Variants in WDR17 observed in about 807,000 individuals in gnomAD.
The protein encoded by WDR17 is WD repeat domain 17, also known as WD repeat-containing protein 17.
A neutral mutation model predicts 161.7 loss-of-function variants in WDR17; 143 were observed. That is an observed-to-expected ratio of 0.88 (90% CI 0.77 to 1.02). The LOEUF (loss-of-function observed/expected upper bound fraction) is 1.02. Among genes scored for constraint, WDR17 ranks in the 50% least tolerant of loss-of-function variants. The pLI is 0.00. For missense variants in WDR17, 1,469 were observed against 1,520.9 expected (o/e 0.97, Z 0.57); for synonymous variants, 517 against 515.6 (o/e 1.00, Z -0.04).
At position 176,137,389 on chromosome 4, in the gene WDR17, A is replaced by G. The variant is rs1345150368; in HGVS notation, c.1268-131A>G. 22 of 643,014 alleles carry G rather than the reference A, an allele frequency of 3.4e-5. No individual in the cohort carries two copies. In the East Asian group the frequency reaches 6.6e-4, roughly 19 times the overall value. The allele number at this position is 643,014 out of a possible 1,614,324, so 39.8% of individuals were successfully genotyped here. A position where few individuals can be genotyped will look rare whatever the true frequency, so the allele number is the denominator to read the frequency against. ...TTATCTATAATTTTATACAGTTAAT[A>G]ATTTCAATTATAAAAAATTAAAGAA... On this transcript the variant is annotated intron_variant, in intron 8 of 28. Coordinates refer to ENST00000508596, the MANE Select transcript of WDR17 (RefSeq NM_181265.4).
At chr4:176,125,562 G>A (rs1742320675) in intron 5 of WDR17, among the ~76,000 whole-genome samples, 1 of 152,014 alleles carries the variant, frequency 6.6e-6, no homozygotes, top group Non-Finnish European at 1.5e-5. Context: ...GAAAAATAAG[G>A]TCCACTCTGC....
At chr4:176,177,329 GT>G in intron 27 of WDR17, 141 bp from the exon 28 acceptor site, 1 of 978,960 alleles carries the variant, frequency 1.0e-6, no homozygotes, top group East Asian at 2.5e-5. Flanking sequence ...GTAGTCCTTT[GT>G]TTTACTATAA....
chr4:176,174,682 ACCAAAGCATTGTT>A lies in WDR17; in HGVS notation c.3417_3429del (p.Ser1140HisfsTer10). On this transcript the variant is annotated frameshift_variant, in exon 26 of 29. Coordinates refer to ENST00000508596, the MANE Select transcript of WDR17 (RefSeq NM_181265.4). LOFTEE classifies it high-confidence loss of function. ...GCATTACTGGCTATCAGAAGACAGT[ACCAAAGCATTGTT>A]CCAGCACTTTATGAGTACACAAGGT... is the stretch of plus-strand genomic sequence containing the variant. 6.2e-7 allele frequency: 1 copy of A among 1,612,122 alleles called. No homozygotes were observed.
At chr4:176,133,274 AGAAG>A (rs147030078) in intron 7 of WDR17, among the ~76,000 whole-genome samples, 23,277 of 111,496 alleles carry the variant, frequency 0.21, 2,587 homozygotes, top group South Asian at 0.26. Flanking sequence ...AAAAAAAAAA[AGAAG>A]AAGAAGAAGA....
chr4:176,152,768 C>T (rs1457521134), intron 17 of WDR17, among the ~76,000 whole-genome samples: 1 of 151,356 alleles, frequency 6.6e-6, no homozygotes, highest in African/African-American at 2.4e-5. Context: ...AACCCCGCCT[C>T]TTCTAAAAAT....
chr4:176,174,671 C>A lies in WDR17; in HGVS notation c.3402C>A (p.Ile1134=). 1 of 1,612,312 alleles carries A rather than the reference C, an allele frequency of 6.2e-7. No individual in the cohort carries two copies. Among genetic ancestry groups the A allele is most frequent in the South Asian group, 1.1e-5 (1 of 90,880 alleles). Residue 1134 remains isoleucine, a synonymous_variant, in exon 26 of 29, where the codon ATC becomes ATA. Coordinates refer to ENST00000508596, the MANE Select transcript of WDR17 (RefSeq NM_181265.4). ...LCGYIGALLA[I]RRQYQSIVPA... ...GTTACATTGGTGCATTACTGGCTAT[C>A]AGAAGACAGTACCAAAGCATTGTTC...
chr4:176,162,780 T>G (rs930958991), intron 21 of WDR17, among the ~76,000 whole-genome samples: 2 of 152,180 alleles, frequency 1.3e-5, no homozygotes, highest in Non-Finnish European at 2.9e-5. Flanking sequence ...TATATTTGCT[T>G]TAGGAAATGA....
intron 17 of WDR17, among the ~76,000 whole-genome samples, chr4:176,155,716 A>AATATATAT (rs113370958): frequency 0.011 from 1,443 of 130,236 alleles, 23 homozygotes; most frequent in African/African-American, 0.032. Flanking sequence ...GACTAATTAA[A>AATATATAT]ATATATATAT....
chr4:176,125,804 A>G (rs1384783002), intron 5 of WDR17, among the ~76,000 whole-genome samples: 1 of 152,182 alleles, frequency 6.6e-6, no homozygotes, highest in Admixed American at 6.5e-5. Flanking sequence ...AGAATACCAC[A>G]AGCTGAGTAA....
chr4:176,177,760 G>T, intron 28 of WDR17, 106 bp downstream of exon 28: 1 of 1,156,094 alleles, frequency 8.6e-7, no homozygotes. Flanking sequence ...GGTAATTTAG[G>T]ACTGGGGTCC....
intron 1 of WDR17, among the ~76,000 whole-genome samples, chr4:176,067,015 G>T (rs1315306627): frequency 1.3e-5 from 2 of 152,130 alleles, no homozygotes; most frequent in African/African-American, 2.4e-5. Flanking sequence ...CTCCACAAGA[G>T]TTTAAGCATT....
chr4:176,097,830 C>A (rs1019064573), intron 1 of WDR17, among the ~76,000 whole-genome samples: 1 of 151,434 alleles, frequency 6.6e-6, no homozygotes, highest in Non-Finnish European at 1.5e-5. Flanking sequence ...AAGAAAAATG[C>A]TTTTTAATGA....
At chr4:176,070,731 G>A (rs1733123865) in intron 1 of WDR17, among the ~76,000 whole-genome samples, 1 of 151,972 alleles carries the variant, frequency 6.6e-6, no homozygotes, top group Non-Finnish European at 1.5e-5. Context: ...ATGTTGCCCA[G>A]GCTGATCTGG....
At chr4:176,087,181 T>C (rs1735525496) in intron 1 of WDR17, among the ~76,000 whole-genome samples, 1 of 152,056 alleles carries the variant, frequency 6.6e-6, no homozygotes, top group African/African-American at 2.4e-5. Context: ...ATGTTTCTTA[T>C]CCTTCTACCT....
At chr4:176,067,395 A>G (rs1177904503) in intron 1 of WDR17, among the ~76,000 whole-genome samples, 2 of 152,228 alleles carry the variant, frequency 1.3e-5, no homozygotes, top group East Asian at 3.9e-4. Flanking sequence ...CTTATTTCAA[A>G]GGGCATATAC....
intron 1 of WDR17, among the ~76,000 whole-genome samples, chr4:176,070,757 G>C (rs1370682612): frequency 6.6e-6 from 1 of 152,048 alleles, no homozygotes; most frequent in East Asian, 1.9e-4. Context: ...CTGGGCTCAA[G>C]CGATCCACCC....
chr4:176,066,866 C>T (rs1015795930), intron 1 of WDR17, among the ~76,000 whole-genome samples: 1 of 151,932 alleles, frequency 6.6e-6, no homozygotes, highest in Non-Finnish European at 1.5e-5. Flanking sequence ...AACACAAGTT[C>T]GTTGTAAAAG....
chr4:176,110,973 A>C (rs1739628542), intron 1 of WDR17, among the ~76,000 whole-genome samples: 1 of 152,130 alleles, frequency 6.6e-6, no homozygotes, highest in Non-Finnish European at 1.5e-5. Flanking sequence ...TTTCTGCCCG[A>C]TCCTAACAGT....
rs775398619 is a variant in WDR17 at position 176,160,990 on chromosome 4, A to G, written c.2738A>G (p.Glu913Gly). 6.2e-7 allele frequency: 1 copy of G among 1,608,940 alleles called. No homozygotes were observed. Among genetic ancestry groups the G allele is most frequent in the Non-Finnish European group, 8.5e-7 (1 of 1,177,732 alleles). The change falls in exon 20 of 29, where the codon GAA becomes GGA. Residue 913 changes from glutamate (E) to glycine (G), a missense_variant. Glu to Gly is a moderately conservative substitution (Grantham distance 98). Transcript: ENST00000508596. ...TCATATTCTGATGATATCTACAAGG[A>G]AGACTTTAATGAGTGAGTGATTTAT... ...GASYSDDIYK[E>G]DFNELLHKVS...
Sources: allele counts gnomAD v4.1 joint callset (sites outside exome capture counted in the v4.1 genomes callset), GRCh38; gene constraint gnomAD v4.1.1; transcripts MANE v1.5; gene names NCBI Gene and HGNC (gene_info 2026-07-23, HGNC 2026-07-21).